EEF2K: variants seen among roughly 807,000 people sequenced by gnomAD.
EEF2K encodes the protein alternative protein EEF2K.
EEF2K carries 70 observed loss-of-function variants against 93.8 expected under a neutral mutation model. That is an observed-to-expected ratio of 0.75 (90% CI 0.62 to 0.91). EEF2K has a LOEUF of 0.91. Ranked by LOEUF, EEF2K falls within the 40% of genes least tolerant of loss-of-function variation. EEF2K has a pLI of 0.00. For synonymous variants in EEF2K, 376 were observed against 380.8 expected, an observed-to-expected ratio of 0.99 and a Z score of 0.15; for missense variants, 935 against 972.9, an observed-to-expected ratio of 0.96 and a Z score of 0.52.
At chr16:22,231,855 T>C (rs2047118399) in intron 2 of EEF2K, among the ~76,000 whole-genome samples, 1 of 151,810 alleles carries the variant, frequency 6.6e-6, no homozygotes, top group South Asian at 2.1e-4. Flanking sequence ...CCAGGCATGG[T>C]GGCACATGCC....
rs369564196 is a variant in EEF2K at position 22,273,536 on chromosome 16, C to T, written c.1765-90C>T. 5,944 of 1,540,686 alleles carry T rather than the reference C, an allele frequency of 3.9e-3. 265 individuals carry two copies. The South Asian group carries it at 0.069, about 18-fold the overall frequency. The stretch of plus-strand genomic sequence containing the variant: ...CTCCCAACCCGGAGCTCTCAAAAAA[C>T]AGGGTGAAGATTGAGTAGTGAGATC... On this transcript the variant is annotated intron_variant, in intron 15 of 17. Coordinates refer to ENST00000263026, the MANE Select transcript of EEF2K (RefSeq NM_013302.5).
intron 1 of EEF2K, among the ~76,000 whole-genome samples, chr16:22,222,966 G>T (rs1297962543): frequency 6.6e-6 from 1 of 151,996 alleles, no homozygotes; most frequent in Non-Finnish European, 1.5e-5. Flanking sequence ...CAACTCAAAA[G>T]AAACCCCATA....
At chr16:22,281,317 C>G (rs1049609984) in intron 17 of EEF2K, among the ~76,000 whole-genome samples, 1 of 151,854 alleles carries the variant, frequency 6.6e-6, no homozygotes, top group Non-Finnish European at 1.5e-5. Context: ...ATAGCTCACT[C>G]CAGCCTGGAA....
rs1369989019 is a variant in EEF2K at position 22,248,239 on chromosome 16, AT to A, written c.348-511del. Among the ~76,000 whole-genome samples, 5 of 151,648 alleles carry A rather than the reference AT, an allele frequency of 3.3e-5. No homozygotes were observed. The East Asian group carries it at 9.7e-4, about 29-fold the overall frequency. On this transcript the variant is annotated intron_variant, in intron 3 of 17. Coordinates refer to ENST00000263026, the MANE Select transcript of EEF2K (RefSeq NM_013302.5). ...ACCACCATGCTCGGCTAATTTTTGT[AT>A]TTTTAGTGCAGGCAGAGTTTCACCT...
intron 16 of EEF2K, among the ~76,000 whole-genome samples, chr16:22,276,650 G>T (rs1423913515): frequency 1.3e-5 from 2 of 152,166 alleles, no homozygotes; most frequent in Non-Finnish European, 1.5e-5. Context: ...GTGGACAGGG[G>T]TCAGCGATTA....
chr16:22,250,966 T>TC (rs1196350252), intron 5 of EEF2K, among the ~76,000 whole-genome samples, 185 bp from the exon 6 acceptor site: 2 of 152,112 alleles, frequency 1.3e-5, no homozygotes, highest in Non-Finnish European at 2.9e-5. Context: ...TGACCTTTAA[T>TC]CCCCCTGTCC....
rs965163661 is a variant in EEF2K at position 22,286,629 on chromosome 16, A to C, written c.*2633A>C. The stretch of plus-strand genomic sequence containing the variant: ...GGTGTTCCAATAAAACTTTATTTAC[A>C]CAAACGGGTGGCCCTTTTGGGCTGT... On this transcript the variant is annotated 3_prime_UTR_variant, in exon 18 of 18. Coordinates refer to ENST00000263026, the MANE Select transcript of EEF2K (RefSeq NM_013302.5). The C allele has an allele frequency of 1.3e-5, 2 of 152,264 alleles. No individual in the cohort carries two copies. Among genetic ancestry groups the C allele is most frequent in the Non-Finnish European group, 2.9e-5 (2 of 68,048 alleles). 9.4% of individuals were successfully genotyped at this position (152,264 alleles called of 1,614,324 possible).
chr16:22,237,363 C>T (rs1158493410), intron 2 of EEF2K, among the ~76,000 whole-genome samples: 2 of 151,834 alleles, frequency 1.3e-5, no homozygotes, highest in Non-Finnish European at 2.9e-5. Flanking sequence ...CCTGGCCAGG[C>T]GCAGTGGCTT....
intron 15 of EEF2K, among the ~76,000 whole-genome samples, chr16:22,269,489 C>T (rs2081033759): frequency 6.6e-6 from 1 of 152,002 alleles, no homozygotes; most frequent in African/African-American, 2.4e-5. Flanking sequence ...GCAACCTCCA[C>T]CTCCCAGGTT....
chr16:22,258,478 CTATTAA>C lies in EEF2K; in HGVS notation c.1030-14_1030-9del. On this transcript the variant is annotated splice_polypyrimidine_tract_variant and intron_variant, in intron 9 of 17. Coordinates refer to ENST00000263026, the MANE Select transcript of EEF2K (RefSeq NM_013302.5). ...GGGTGTGTGCGTGACATGAGTATCC[CTATTAA>C]TGTCCCTAGCAATCAGCCAAGACCA... The C allele has an allele frequency of 6.2e-7, 1 of 1,613,368 alleles. No individual in the cohort carries two copies. The highest frequency in any genetic ancestry group is 8.5e-7 in the Non-Finnish European group (1 of 1,179,650).
chr16:22,236,725 A>G (rs1172997597), intron 2 of EEF2K, among the ~76,000 whole-genome samples: 1 of 151,274 alleles, frequency 6.6e-6, no homozygotes, highest in East Asian at 1.9e-4. Flanking sequence ...CCGGCACTCC[A>G]CCCTCACTCC....
chr16:22,243,017 C>T (rs1384199978), intron 2 of EEF2K, among the ~76,000 whole-genome samples: 1 of 151,690 alleles, frequency 6.6e-6, no homozygotes, highest in African/African-American at 2.4e-5. Flanking sequence ...GAGCCGTGAT[C>T]ATGCCACTGC....
At chr16:22,207,641 G>C (rs2046876174) in intron 1 of EEF2K, among the ~76,000 whole-genome samples, 1 of 152,098 alleles carries the variant, frequency 6.6e-6, no homozygotes. Context: ...GTGGTTGAGG[G>C]CCCTGGACAG....
intron 2 of EEF2K, among the ~76,000 whole-genome samples, chr16:22,238,018 G>A (rs971837438): frequency 6.6e-6 from 1 of 151,954 alleles, no homozygotes; most frequent in South Asian, 2.1e-4. Flanking sequence ...TGCTGGGTGC[G>A]GTGGCTCACG....
chr16:22,223,943 A>C (rs746068745), intron 1 of EEF2K, among the ~76,000 whole-genome samples: 2 of 152,182 alleles, frequency 1.3e-5, no homozygotes, highest in African/African-American at 2.4e-5. Flanking sequence ...GTGGTGGCTC[A>C]CATCTGTAAT....
At chr16:22,220,562 G>A (rs1289722145) in intron 1 of EEF2K, among the ~76,000 whole-genome samples, 1 of 152,060 alleles carries the variant, frequency 6.6e-6, no homozygotes, top group Non-Finnish European at 1.5e-5. Flanking sequence ...TCCCACTTCA[G>A]CCTCCTGAGT....
At chr16:22,256,725 G>A (rs2047403981) in intron 6 of EEF2K, 23 bp from the exon 7 acceptor site, 1 of 1,611,122 alleles carries the variant, frequency 6.2e-7, no homozygotes, top group Admixed American at 1.7e-5. Flanking sequence ...CCTCCCGCCT[G>A]AGCCCACTCC....
chr16:22,247,844 A>G (rs1598184529), intron 3 of EEF2K, among the ~76,000 whole-genome samples: 1 of 151,692 alleles, frequency 6.6e-6, no homozygotes, highest in African/African-American at 2.4e-5. Context: ...TCCTGTCTAG[A>G]CTCAGAGACG....
At chr16:22,265,107 C>A in intron 13 of EEF2K, 1 of 495,846 alleles carries the variant, frequency 2.0e-6, no homozygotes, top group Non-Finnish European at 3.6e-6. Context: ...TCAGCCCCAT[C>A]CTGGAGGGGA....
Sources: allele counts gnomAD v4.1 joint callset (sites outside exome capture counted in the v4.1 genomes callset), GRCh38; gene constraint gnomAD v4.1.1; transcripts MANE v1.5; gene names NCBI Gene and HGNC (gene_info 2026-07-23, HGNC 2026-07-21).